SYT17: variants seen among roughly 807,000 people sequenced by gnomAD.
SYT17 encodes synaptotagmin-17.
A neutral mutation model predicts 46.7 loss-of-function variants in SYT17; 22 were observed. The ratio of observed to expected loss-of-function variants is 0.47; its 90% CI spans 0.34 to 0.67. The LOEUF is 0.67. SYT17 is among the 30% of genes least tolerant of loss of function. The pLI is 0.01. For missense variants in SYT17, 519 were observed against 612.8 expected, an observed-to-expected ratio of 0.85 and a Z score of 1.62; for synonymous variants, 251 against 248.4, an observed-to-expected ratio of 1.01 and a Z score of -0.10.
intron 5 of SYT17, 50 bp from the exon 6 acceptor site, chr16:19,222,995 A>G: frequency 6.2e-7 from 1 of 1,608,742 alleles, no homozygotes; most frequent in Non-Finnish European, 8.5e-7. Flanking sequence ...GGTGGGTGCA[A>G]AAGGAATAAA....
chr16:19,245,685 A>G (rs926748993), intron 7 of SYT17, among the ~76,000 whole-genome samples: 3 of 152,188 alleles, frequency 2.0e-5, no homozygotes, highest in Non-Finnish European at 4.4e-5. Context: ...GTCTCCACCC[A>G]TAAAAACGTA....
chr16:19,243,041 T>C (rs1220058620), intron 7 of SYT17, among the ~76,000 whole-genome samples: 3 of 152,148 alleles, frequency 2.0e-5, no homozygotes, highest in African/African-American at 7.2e-5. Flanking sequence ...CTTCTCTGGG[T>C]TTCTGCCTCC....
chr16:19,266,845 G>T, intron 7 of SYT17, 35 bp from the exon 8 acceptor site: 1 of 1,590,822 alleles, frequency 6.3e-7, no homozygotes, highest in Non-Finnish European at 8.6e-7. Context: ...CCTTCCTCTT[G>T]CCTCCCTCCT....
At chr16:19,251,974 C>G (rs1335668341) in intron 7 of SYT17, among the ~76,000 whole-genome samples, 3 of 151,974 alleles carry the variant, frequency 2.0e-5, no homozygotes, top group Non-Finnish European at 4.4e-5. Flanking sequence ...CTTTGGGAGG[C>G]CGAGGCAGGC....
In SYT17 at chr16:19,168,557, C is replaced by T. The variant is rs1318921845; in HGVS notation, c.-90C>T. 9 of 1,530,236 alleles carry T rather than the reference C, an allele frequency of 5.9e-6. No homozygotes were observed. Among genetic ancestry groups the T allele is most frequent in the Non-Finnish European group, 6.2e-6 (7 of 1,132,292 alleles). The allele number at this position is 1,530,236 out of a possible 1,614,324, so 94.8% of individuals were successfully genotyped here. A position where few individuals can be genotyped will look rare whatever the true frequency, so the allele number is the denominator to read the frequency against. ...CCGGCTGCCTTTTTCTTCCTTTCCC[C>T]CTTTGCTTTCTTCCCCCTCCGCTGT... is the stretch of plus-strand genomic sequence containing the variant. On this transcript the variant is annotated 5_prime_UTR_variant, in exon 1 of 8. Coordinates refer to ENST00000355377, the MANE Select transcript of SYT17 (RefSeq NM_016524.4). This position sits in a 1 kb window ranked among gnomAD's most constrained non-coding sequence, Gnocchi z 6.9.
At chr16:19,171,213 C>G (rs1324014586) in intron 1 of SYT17, 1 of 153,204 alleles carries the variant, frequency 6.5e-6, no homozygotes, top group East Asian at 1.9e-4. Flanking sequence ...GTGCCTTTGA[C>G]TATTTCCCAA....
intron 5 of SYT17, among the ~76,000 whole-genome samples, chr16:19,199,035 G>T (rs565612954): frequency 6.6e-6 from 1 of 152,330 alleles, no homozygotes. Context: ...AACATGAAGG[G>T]CTTTGTTCAG....
intron 5 of SYT17, among the ~76,000 whole-genome samples, chr16:19,215,741 C>T (rs960434193): frequency 6.6e-6 from 1 of 152,182 alleles, no homozygotes; most frequent in African/African-American, 2.4e-5. Flanking sequence ...TAATAAGTTA[C>T]TTGGCCCTTG....
intron 7 of SYT17, among the ~76,000 whole-genome samples, chr16:19,263,838 G>A (rs1969170950): frequency 6.6e-6 from 1 of 152,142 alleles, no homozygotes; most frequent in South Asian, 2.1e-4. Context: ...GGATGAACCA[G>A]ACAGATAGCA....
At chr16:19,180,915 G>A (rs1387627980) in intron 4 of SYT17, among the ~76,000 whole-genome samples, 2 of 152,174 alleles carry the variant, frequency 1.3e-5, no homozygotes, top group African/African-American at 4.8e-5. Flanking sequence ...TGCATCAGTG[G>A]CCAAGTGCAG....
chr16:19,217,564 T>C (rs966503844), intron 5 of SYT17, among the ~76,000 whole-genome samples: 2 of 152,244 alleles, frequency 1.3e-5, no homozygotes, highest in African/African-American at 4.8e-5. Context: ...TAACCTACCA[T>C]TGCATAGATA....
chr16:19,227,981 T>C (rs1966554189), intron 7 of SYT17, among the ~76,000 whole-genome samples: 1 of 152,222 alleles, frequency 6.6e-6, no homozygotes, highest in Non-Finnish European at 1.5e-5. Context: ...GATTTAACTT[T>C]TCATTTTTAA....
chr16:19,238,519 A>G (rs577365681), intron 7 of SYT17, among the ~76,000 whole-genome samples: 7 of 152,364 alleles, frequency 4.6e-5, no homozygotes, highest in South Asian at 2.1e-4. Context: ...AACATCCACC[A>G]GGTGGTAGAA....
At chr16:19,238,412 AG>A (rs1966878543) in intron 7 of SYT17, among the ~76,000 whole-genome samples, 1 of 152,182 alleles carries the variant, frequency 6.6e-6, no homozygotes, top group Non-Finnish European at 1.5e-5. Flanking sequence ...AGGAGATAGA[AG>A]CATAGACCTG....
chr16:19,208,743 T>C (rs1965768218), intron 5 of SYT17, among the ~76,000 whole-genome samples: 1 of 152,116 alleles, frequency 6.6e-6, no homozygotes, highest in South Asian at 2.1e-4. Context: ...GGCTTATAGA[T>C]CTCTGCCTTC....
intron 7 of SYT17, among the ~76,000 whole-genome samples, chr16:19,257,817 C>T (rs1383153945): frequency 6.6e-6 from 1 of 152,104 alleles, no homozygotes; most frequent in Admixed American, 6.6e-5. Flanking sequence ...TGGGGGTGTC[C>T]CTGCACTGTG....
chr16:19,201,408 C>T (rs1965456890), intron 5 of SYT17, among the ~76,000 whole-genome samples: 1 of 152,082 alleles, frequency 6.6e-6, no homozygotes, highest in Admixed American at 6.6e-5. Context: ...GACTCTTACA[C>T]AGTAGGTTAT....
chr16:19,239,463 T>C (rs1359572965), intron 7 of SYT17, among the ~76,000 whole-genome samples: 2 of 152,266 alleles, frequency 1.3e-5, no homozygotes, highest in Admixed American at 1.3e-4. Context: ...TTTAGTGCTG[T>C]ATCATTTTGA....
intron 7 of SYT17, among the ~76,000 whole-genome samples, chr16:19,265,554 C>T (rs1356774257): frequency 6.6e-6 from 1 of 152,202 alleles, no homozygotes; most frequent in Non-Finnish European, 1.5e-5. Context: ...CATTAGCATT[C>T]AAGCTCTGTT....
Sources: gnomAD v4.1 joint callset for allele counts (sites outside exome capture counted in the v4.1 genomes callset) on GRCh38, gnomAD v4.1.1 for gene constraint, Gnocchi (gnomAD v3.1) non-coding constraint, MANE v1.5 for transcripts, NCBI Gene and HGNC (gene_info 2026-07-23, HGNC 2026-07-21) for gene names.